The following SLC16A7 variants were observed in gnomAD, a reference collection of about 807,000 sequenced individuals.
The protein encoded by SLC16A7 is solute carrier family 16 member 7.
A neutral mutation model predicts 34.9 loss-of-function variants in SLC16A7; 33 were observed. The ratio of observed to expected loss-of-function variants is 0.94; its 90% CI spans 0.72 to 1.26. SLC16A7 has a LOEUF of 1.26. Ranked by LOEUF, SLC16A7 falls within the 50% of genes most tolerant of loss-of-function variation. The probability of loss-of-function intolerance (pLI) is 0.00; values close to 1 mark genes in which losing one functional copy is unlikely to be tolerated. For missense variants in SLC16A7, 573 were observed against 578.1 expected (o/e 0.99, Z 0.09); for synonymous variants, 201 against 206.6 (o/e 0.97, Z 0.23).
chr12:59,771,132 C>A, intron 3 of SLC16A7, 87 bp from the exon 4 acceptor site: 1 of 1,335,526 alleles, frequency 7.5e-7, no homozygotes, highest in Admixed American at 2.1e-5. Context: ...AATGTGCTTT[C>A]TTGCCTTTCC....
chr12:59,760,939 T>C (rs923790840), intron 3 of SLC16A7, among the ~76,000 whole-genome samples: 1 of 152,144 alleles, frequency 6.6e-6, no homozygotes, highest in Non-Finnish European at 1.5e-5. Context: ...AGCAGATTGG[T>C]TAATCGTTTC....
intron 2 of SLC16A7, among the ~76,000 whole-genome samples, chr12:59,700,549 A>G: frequency 6.7e-6 from 1 of 150,048 alleles, no homozygotes; most frequent in South Asian, 2.1e-4. Flanking sequence ...TTTGATCTAT[A>G]TATATTTTAG....
chr12:59,680,137 T>C (rs919678154), intron 2 of SLC16A7, among the ~76,000 whole-genome samples: 5 of 152,038 alleles, frequency 3.3e-5, no homozygotes, highest in Admixed American at 1.3e-4. Context: ...AATCAAAATG[T>C]CCAAGAATAG....
intron 3 of SLC16A7, among the ~76,000 whole-genome samples, chr12:59,707,947 T>A (rs923715792): frequency 6.6e-6 from 1 of 152,128 alleles, no homozygotes; most frequent in Non-Finnish European, 1.5e-5. Context: ...TGGATGAAAA[T>A]GCTTTTACCT....
At chr12:59,610,917 A>C (rs1229788514) in intron 1 of SLC16A7, among the ~76,000 whole-genome samples, 1 of 152,194 alleles carries the variant, frequency 6.6e-6, no homozygotes, top group Non-Finnish European at 1.5e-5. Flanking sequence ...AGTGCTTATA[A>C]ACAACACAAT....
intron 3 of SLC16A7, among the ~76,000 whole-genome samples, chr12:59,721,133 G>A (rs1592572598): frequency 1.3e-5 from 2 of 151,990 alleles, no homozygotes; most frequent in African/African-American, 4.8e-5. Flanking sequence ...TATTACTCTA[G>A]TCCAGTCTCT....
intron 3 of SLC16A7, among the ~76,000 whole-genome samples, chr12:59,730,497 T>C (rs898403327): frequency 2.0e-5 from 3 of 152,058 alleles, no homozygotes; most frequent in African/African-American, 7.2e-5. Context: ...ATAGTATAGT[T>C]GCAGCTGAGT....
At chr12:59,756,942 T>C in intron 3 of SLC16A7, among the ~76,000 whole-genome samples, 1 of 135,140 alleles carries the variant, frequency 7.4e-6, no homozygotes, top group African/African-American at 2.9e-5. Context: ...AATGATGAGT[T>C]CATGTCCTTT....
At chr12:59,618,907 G>A (rs148719488) in intron 1 of SLC16A7, among the ~76,000 whole-genome samples, 33 of 151,914 alleles carry the variant, frequency 2.2e-4, no homozygotes, top group Admixed American at 9.2e-4. Context: ...AATTGGCTGC[G>A]TTTTCTATAT....
chr12:59,745,298 T>C (rs1246546848), intron 3 of SLC16A7, among the ~76,000 whole-genome samples: 1 of 152,224 alleles, frequency 6.6e-6, no homozygotes, highest in Admixed American at 6.5e-5. Flanking sequence ...GGTCTAACCA[T>C]TCCCATAAAG....
chr12:59,653,334 G>T (rs1003683781), intron 1 of SLC16A7, among the ~76,000 whole-genome samples: 1 of 151,582 alleles, frequency 6.6e-6, no homozygotes, highest in African/African-American at 2.4e-5. Context: ...TTTCACATGA[G>T]AATCAAAATG....
chr12:59,602,384 GT>G (rs1357633883), intron 1 of SLC16A7, among the ~76,000 whole-genome samples: 1 of 147,816 alleles, frequency 6.8e-6, no homozygotes, highest in Non-Finnish European at 1.5e-5. Flanking sequence ...TCTTTATTTT[GT>G]TACTTCTCTC....
rs111250801 is a variant in SLC16A7 at position 59,709,780 on chromosome 12, G to T, written c.217+4762G>T. On this transcript the variant is annotated intron_variant, in intron 3 of 5. Transcript: ENST00000547379. ...TTACTAAAGCTTTCTATGAAATATG[G>T]TACAGTGTGGCAGAAACTATTATGC... Among the ~76,000 whole-genome samples, 59 of 151,632 alleles carry T rather than the reference G, an allele frequency of 3.9e-4. 1 individual carries two copies. Among genetic ancestry groups the T allele is most frequent in the African/African-American group, 1.4e-3 (57 of 40,978 alleles).
At chr12:59,686,486 A>C (rs1319612372) in intron 2 of SLC16A7, among the ~76,000 whole-genome samples, 1 of 151,872 alleles carries the variant, frequency 6.6e-6, no homozygotes, top group Non-Finnish European at 1.5e-5. Context: ...AAAGCAAGTT[A>C]CTGGATATTG....
In SLC16A7 at chr12:59,781,132, G is replaced by T. The variant is rs989880156; in HGVS notation, c.*1453G>T. 4 of 152,010 alleles carry T rather than the reference G, an allele frequency of 2.6e-5. No homozygotes were observed. The highest frequency in any genetic ancestry group is 5.9e-5 in the Non-Finnish European group (4 of 67,998). The allele number at this position is 152,010 out of a possible 1,614,324, so 9.4% of individuals were successfully genotyped here. Reference sequence around the variant, plus strand: ...TTTTCATAACTATGTGAAAACATCTGGGAATTTGAATCACTCCTGAATACA... The same window carrying T: ...TTTTCATAACTATGTGAAAACATCTTGGAATTTGAATCACTCCTGAATACA... On this transcript the variant is annotated 3_prime_UTR_variant, in exon 6 of 6. Transcript: ENST00000547379.
rs553808301 is a variant in SLC16A7, at chr12:59,788,047, A to G, written c.*8368A>G. 1.3e-5 allele frequency: 2 copies of G among 152,220 alleles called. No homozygotes were observed. Among genetic ancestry groups the G allele is most frequent in the African/African-American group, 2.4e-5 (1 of 41,472 alleles). The allele number at this position is 152,220 out of a possible 1,614,324, so 9.4% of individuals were successfully genotyped here. On this transcript the variant is annotated 3_prime_UTR_variant, in exon 6 of 6. Transcript: ENST00000547379. ...CTTCTCCCAGATATTTTAAACCAGT[A>G]TGTTAATTATTTCCTAGAATGAATA...
At position 59,780,711 on chromosome 12, in the gene SLC16A7, C is replaced by T. The variant is rs976026353; in HGVS notation, c.*1032C>T. 1.3e-5 allele frequency: 2 copies of T among 152,056 alleles called. No individual in the cohort carries two copies. The highest frequency in any genetic ancestry group is 2.1e-4 in the South Asian group (1 of 4,806). The allele number at this position is 152,056 out of a possible 1,614,324, so 9.4% of individuals were successfully genotyped here. On this transcript the variant is annotated 3_prime_UTR_variant, in exon 6 of 6. Transcript: ENST00000547379. Reference sequence around the variant, plus strand: ...CTAGTTGGCAGGATTGTAAGTAGACCGAATTCTAATTTTTCCCAACACATA... The same window carrying T: ...CTAGTTGGCAGGATTGTAAGTAGACTGAATTCTAATTTTTCCCAACACATA...
intron 3 of SLC16A7, among the ~76,000 whole-genome samples, chr12:59,707,047 G>T (rs1414316506): frequency 1.3e-5 from 2 of 152,068 alleles, no homozygotes; most frequent in African/African-American, 4.8e-5. Context: ...CATCACCCAA[G>T]GCTTTGTATG....
intron 1 of SLC16A7, among the ~76,000 whole-genome samples, chr12:59,638,132 T>G (rs538125388): frequency 2.0e-5 from 3 of 152,204 alleles, no homozygotes; most frequent in African/African-American, 7.2e-5. Flanking sequence ...TGTGTTGAAA[T>G]GTAACTGGAT....
Sources: allele counts gnomAD v4.1 joint callset (sites outside exome capture counted in the v4.1 genomes callset), GRCh38; gene constraint gnomAD v4.1.1; transcripts MANE v1.5; gene names NCBI Gene and HGNC (gene_info 2026-07-23, HGNC 2026-07-21).